The following CDH3 variants were observed in gnomAD, a reference collection of about 807,000 sequenced individuals.
CDH3 encodes the protein cadherin 3.
Under a neutral mutation model 82.0 loss-of-function variants are expected in CDH3, and 54 were observed. The observed-to-expected ratio is 0.66, with a 90% CI of 0.53 to 0.83. The LOEUF (loss-of-function observed/expected upper bound fraction) is 0.83, where lower values mean the gene tolerates loss of function less well. CDH3 is among the 40% of genes least tolerant of loss of function. The pLI, the probability that CDH3 is intolerant of heterozygous loss-of-function variation, is 0.00. For missense variants in CDH3, 1,054 were observed against 1,084.6 expected, an observed-to-expected ratio of 0.97 and a Z score of 0.40; for synonymous variants, 446 against 437.9, an observed-to-expected ratio of 1.02 and a Z score of -0.23.
intron 2 of CDH3, among the ~76,000 whole-genome samples, chr16:68,660,021 T>A (rs1597794973): frequency 1.3e-5 from 2 of 152,238 alleles, no homozygotes; most frequent in African/African-American, 4.8e-5. Flanking sequence ...TTAGCCAGTC[T>A]TCTACTTTTA....
chr16:68,691,987 C>G, intron 13 of CDH3, 61 bp downstream of exon 13: 1 of 1,398,898 alleles, frequency 7.1e-7, no homozygotes, highest in South Asian at 1.2e-5. Flanking sequence ...TGGATTCTAC[C>G]TTGAGCTTTA....
At chr16:68,710,149 G>A (rs1962009342) in intron 1 of CDH3, among the ~76,000 whole-genome samples, 1 of 152,232 alleles carries the variant, frequency 6.6e-6, no homozygotes, top group Admixed American at 6.5e-5. Flanking sequence ...CCCTCCGCCT[G>A]CTCCCTCCCT....
chr16:68,715,353 G>A (rs1597829329), intron 1 of CDH3, among the ~76,000 whole-genome samples: 1 of 150,822 alleles, frequency 6.6e-6, no homozygotes, highest in South Asian at 2.1e-4. Flanking sequence ...CTTGAACCTG[G>A]GAGACGGAGG....
chr16:68,708,498 G>A (rs562349460), intron 1 of CDH3, among the ~76,000 whole-genome samples: 157 of 152,108 alleles, frequency 1.0e-3, no homozygotes, highest in African/African-American at 3.4e-3. Context: ...GCTCCCTCAC[G>A]TCCTTCAGGC....
intron 2 of CDH3, among the ~76,000 whole-genome samples, chr16:68,673,818 G>A (rs959969720): frequency 2.6e-5 from 4 of 152,202 alleles, no homozygotes; most frequent in East Asian, 3.9e-4. Flanking sequence ...CCAGCTACTC[G>A]GGAGGCTGAG....
intron 2 of CDH3, among the ~76,000 whole-genome samples, chr16:68,660,699 C>A (rs1213960370): frequency 1.3e-5 from 2 of 152,178 alleles, no homozygotes; most frequent in Non-Finnish European, 2.9e-5. Context: ...GGGCTCATGC[C>A]TGTAATCCCA....
At chr16:68,685,664 G>A (rs1232734198) in intron 11 of CDH3, among the ~76,000 whole-genome samples, 5 of 151,994 alleles carry the variant, frequency 3.3e-5, no homozygotes. Flanking sequence ...AAAATTAGCC[G>A]GGTGTGGTGG....
At chr16:68,649,100 T>G (rs554667269) in intron 2 of CDH3, among the ~76,000 whole-genome samples, 1 of 151,956 alleles carries the variant, frequency 6.6e-6, no homozygotes, top group South Asian at 2.1e-4. Context: ...GGAGGGAACT[T>G]TCATGGTATT....
intron 2 of CDH3, 140 bp from the exon 3 acceptor site, chr16:68,676,245 A>G (rs946124014): frequency 3.0e-5 from 21 of 709,760 alleles, no homozygotes; most frequent in Non-Finnish European, 5.4e-5. Flanking sequence ...TCCTGGTCAG[A>G]GAAAGTAAGC....
chr16:68,701,170 A>C (rs1267104833), downstream of CDH3, among the ~76,000 whole-genome samples: 1 of 152,062 alleles, frequency 6.6e-6, no homozygotes, highest in Non-Finnish European at 1.5e-5. Context: ...GAGGAAAAAC[A>C]GCCTTTCCCA....
chr16:68,662,611 G>T (rs920448181), intron 2 of CDH3, among the ~76,000 whole-genome samples: 1 of 141,550 alleles, frequency 7.1e-6, no homozygotes, highest in East Asian at 2.2e-4. Flanking sequence ...GCGGTGGCAC[G>T]ATCTCACTGC....
At chr16:68,727,241 G>T (rs1962229316) in exon 3 of CDH3, among the ~76,000 whole-genome samples, 1 of 152,196 alleles carries the variant, frequency 6.6e-6, no homozygotes, top group Non-Finnish European at 1.5e-5. Context: ...CAGCCCCCCA[G>T]TGTTCTCAGG....
At chr16:68,716,151 C>T (rs1962092510) in intron 1 of CDH3, among the ~76,000 whole-genome samples, 1 of 151,572 alleles carries the variant, frequency 6.6e-6, no homozygotes, top group Non-Finnish European at 1.5e-5. Context: ...GTCTGTAATC[C>T]CAGCTACTTG....
chr16:68,645,710 G>A lies in CDH3; in HGVS notation c.120G>A (p.Ala40=). 6.5e-7 allele frequency: 1 copy of A among 1,545,772 alleles called. No homozygotes were observed. ...VFREAEVTLE[A]GGAEQEPGQA... ...GGGAGGCTGAAGTGACCTTGGAGGCGGGAGGCGCGGAGCAGGAGCCCGGCC... is the reference window on the plus strand; with the variant it reads ...GGGAGGCTGAAGTGACCTTGGAGGCAGGAGGCGCGGAGCAGGAGCCCGGCC... The change falls in exon 2 of 16, where the codon GCG becomes GCA. Residue 40 remains alanine, a synonymous_variant. Coordinates refer to ENST00000264012, the MANE Select transcript of CDH3 (RefSeq NM_001793.6).
intron 2 of CDH3, among the ~76,000 whole-genome samples, chr16:68,668,799 G>A (rs549169908): frequency 6.6e-6 from 1 of 152,334 alleles, no homozygotes; most frequent in African/African-American, 2.4e-5. Context: ...TACATAGAAA[G>A]AGGCCAGGAT....
At chr16:68,676,589 AGG>A in intron 3 of CDH3, 119 bp downstream of exon 3, 1 of 761,990 alleles carries the variant, frequency 1.3e-6, no homozygotes, top group South Asian at 1.5e-5. Flanking sequence ...CCTTCAGAGG[AGG>A]TAGTGTTAGT....
chr16:68,680,986 C>T lies in CDH3; in HGVS notation c.886C>T (p.Leu296=), dbSNP rs565345878. The change falls in exon 8 of 16, where the codon CTG becomes TTG. Residue 296 remains leucine (L), a synonymous_variant. Transcript: ENST00000264012. ...LDREKVPEYT[L]TIQATDMDGD... is the part of the protein sequence containing the mutation. The stretch of plus-strand genomic sequence containing the variant: ...TCCCCAGAAAGTCCCTGAGTACACA[C>T]TGACCATCCAGGCCACAGACATGGA... The T allele has an allele frequency of 6.2e-7, 1 of 1,614,138 alleles. No individual in the cohort carries two copies. The highest frequency in any genetic ancestry group is 8.5e-7 in the Non-Finnish European group (1 of 1,180,012).
At chr16:68,726,101 G>A (rs889481890) in intron 2 of CDH3, among the ~76,000 whole-genome samples, 6 of 152,118 alleles carry the variant, frequency 3.9e-5, no homozygotes, top group Non-Finnish European at 7.4e-5. Flanking sequence ...AGGCAGTCAG[G>A]AACTGAAGTC....
At chr16:68,717,543 C>T (rs527379598) in intron 1 of CDH3, among the ~76,000 whole-genome samples, 22 of 152,160 alleles carry the variant, frequency 1.4e-4, no homozygotes, top group African/African-American at 4.3e-4. Flanking sequence ...GAGGCCGAGG[C>T]GGGCAGATCA....
Sources: allele counts gnomAD v4.1 joint callset (sites outside exome capture counted in the v4.1 genomes callset), GRCh38; gene constraint gnomAD v4.1.1; transcripts MANE v1.5; gene names NCBI Gene and HGNC (gene_info 2026-07-23, HGNC 2026-07-21).